The following SLC44A2 variants were observed in gnomAD, a reference collection of about 807,000 sequenced individuals.
SLC44A2 encodes the protein solute carrier family 44 member 2 (CTL2 blood group).
A neutral mutation model predicts 90.8 loss-of-function variants in SLC44A2; 57 were observed. The ratio of observed to expected loss-of-function variants is 0.63; its 90% CI spans 0.51 to 0.78. The LOEUF (loss-of-function observed/expected upper bound fraction) is 0.78. Among genes scored for constraint, SLC44A2 ranks in the 30% least tolerant of loss-of-function variants. The probability of loss-of-function intolerance (pLI) is 0.00; values close to 1 mark genes in which losing one functional copy is unlikely to be tolerated. For missense variants in SLC44A2, 794 were observed against 919.7 expected, an observed-to-expected ratio of 0.86 and a Z score of 1.77; for synonymous variants, 355 against 360.7, an observed-to-expected ratio of 0.98 and a Z score of 0.18.
At chr19:10,625,695 C>T (rs1406880925) in intron 1 of SLC44A2, 25 bp downstream of exon 1, 4 of 1,247,512 alleles carry the variant, frequency 3.2e-6, no homozygotes, top group Admixed American at 8.3e-5. Flanking sequence ...CCGCCCGTAG[C>T]CCCGGGCCGA....
At chr19:10,618,948 G>A (rs926611283) in intron 1 of SLC44A2, among the ~76,000 whole-genome samples, 5 of 142,962 alleles carry the variant, frequency 3.5e-5, no homozygotes, top group African/African-American at 1.3e-4. Context: ...CATGTATCAT[G>A]TATACAATTC....
intron 1 of SLC44A2, among the ~76,000 whole-genome samples, chr19:10,611,491 G>A (rs374721957): frequency 4.5e-4 from 68 of 151,604 alleles, no homozygotes; most frequent in African/African-American, 1.5e-3. Context: ...CAAGAGACCC[G>A]GTGCAGTGGT....
At chr19:10,607,924 A>G (rs897418348) in intron 1 of SLC44A2, among the ~76,000 whole-genome samples, 3 of 149,900 alleles carry the variant, frequency 2.0e-5, no homozygotes, top group African/African-American at 2.5e-5. Flanking sequence ...CCCCCGGCTA[A>G]TTTTTTGTAT....
Position 10,642,438 on chromosome 19 carries a change from G to C in SLC44A2, c.2001G>C (p.Leu667=). 1 of 1,614,148 alleles carries C rather than the reference G, an allele frequency of 6.2e-7. No homozygotes were observed. Among genetic ancestry groups the C allele is most frequent in the Non-Finnish European group, 8.5e-7 (1 of 1,180,018 alleles). The change falls in exon 21 of 22, where the codon CTG becomes CTC. Residue 667 remains leucine, a synonymous_variant. Transcript: ENST00000335757. ...TCTATGGCATGTGTGTGGACACGCTGTTCCTCTGCTTCTGTGAGTGACCCC... is the reference window on the plus strand; with the variant it reads ...TCTATGGCATGTGTGTGGACACGCTCTTCCTCTGCTTCTGTGAGTGACCCC... ...FSVYGMCVDT[L]FLCFLEDLER... is the part of the protein sequence containing the mutation.
rs902710113 is a variant in SLC44A2, at chr19:10,629,817, G to A, written c.246-1240G>A. The stretch of plus-strand genomic sequence containing the variant: ...CGCCCAGGCTGGAGTGCAATGGTGC[G>A]ATCTTGGCTCACTGCAACCTCCGCC... On this transcript the variant is annotated intron_variant, in intron 4 of 21. Coordinates refer to ENST00000335757, the MANE Select transcript of SLC44A2 (RefSeq NM_020428.4). 1.1e-4 allele frequency among the ~76,000 whole-genome samples: 16 copies of A among 150,302 alleles called. 1 individual carries two copies. Among genetic ancestry groups the A allele is most frequent in the Admixed American group, 9.3e-4 (14 of 15,102 alleles).
chr19:10,630,021 C>G lies in SLC44A2; in HGVS notation c.246-1036C>G, dbSNP rs550305534. Among the ~76,000 whole-genome samples, 9 of 152,244 alleles carry G rather than the reference C, an allele frequency of 5.9e-5. No homozygotes were observed. In the East Asian group the frequency reaches 1.5e-3, roughly 26 times the overall value. On this transcript the variant is annotated intron_variant, in intron 4 of 21. Transcript: ENST00000335757. ...CCGCCTGCCTTGGCCTCCAAAAGTGCTGGGATTACAGGTGTGAGTTACTGC... is the reference window on the plus strand; with the variant it reads ...CCGCCTGCCTTGGCCTCCAAAAGTGGTGGGATTACAGGTGTGAGTTACTGC...
At chr19:10,627,399 T>C (rs1322416199) in intron 2 of SLC44A2, among the ~76,000 whole-genome samples, 1 of 137,658 alleles carries the variant, frequency 7.3e-6, no homozygotes, top group Non-Finnish European at 1.6e-5. Flanking sequence ...AAAAAAAAAA[T>C]GTGTGGTGGT....
At chr19:10,642,542 G>C in intron 21 of SLC44A2, 91 bp downstream of exon 21, 1 of 1,229,696 alleles carries the variant, frequency 8.1e-7, no homozygotes, top group Admixed American at 1.8e-5. Context: ...CAACACGCTT[G>C]CCTGCCCCCA....
At chr19:10,635,113 C>T (rs769500549) in intron 12 of SLC44A2, 40 bp downstream of exon 12, 2 of 1,613,628 alleles carry the variant, frequency 1.2e-6, no homozygotes, top group Non-Finnish European at 8.5e-7. Flanking sequence ...TGGAGCTGTC[C>T]CTAGAGTTGT....
intron 4 of SLC44A2, among the ~76,000 whole-genome samples, chr19:10,629,159 G>A (rs369335010): frequency 2.7e-5 from 4 of 149,532 alleles, no homozygotes; most frequent in Admixed American, 6.7e-5. Context: ...AGCCGAGATC[G>A]TGCCACTGCA....
upstream of SLC44A2, among the ~76,000 whole-genome samples, chr19:10,621,162 G>C (rs927810725): frequency 6.6e-6 from 1 of 151,806 alleles, no homozygotes; most frequent in Non-Finnish European, 1.5e-5. Context: ...CAGTAGTAGA[G>C]ACATGGTAAA....
Position 10,631,072 on chromosome 19 carries a change from G to C in SLC44A2, c.261G>C (p.Leu87=). The change falls in exon 5 of 22, where the codon CTG becomes CTC. Residue 87 remains leucine, a synonymous_variant. Transcript: ENST00000335757. The part of the protein sequence containing the change: ...KGTKNENKPY[L]FYFNIVKCAS... ...CTAACTCCAGGAACAAACCCTATCT[G>C]TTTTATTTCAACATTGTGAAATGTG... 3.1e-6 allele frequency: 5 copies of C among 1,613,438 alleles called. No individual in the cohort carries two copies. The highest frequency in any genetic ancestry group is 4.2e-6 in the Non-Finnish European group (5 of 1,179,806).
At position 10,636,536 on chromosome 19, in the gene SLC44A2, G is replaced by A; in HGVS notation, c.1447G>A (p.Asp483Asn). Reference protein sequence around the residue: ...ASYYWALRKPDDLPAFPLFSA... With the variant: ...ASYYWALRKPNDLPAFPLFSA... ...CTACTACTGGGCCCTGCGCAAGCCG[G>A]ACGACCTGCCGGCCTTCCCGCTCTT... Residue 483 changes from aspartate to asparagine, a missense_variant, in exon 15 of 22, where the codon GAC becomes AAC. Physicochemically the swap from Asp to Asn is conservative, Grantham distance 23 (BLOSUM62 1). Coordinates refer to ENST00000335757, the MANE Select transcript of SLC44A2 (RefSeq NM_020428.4). 6.2e-7 allele frequency: 1 copy of A among 1,609,320 alleles called. No homozygotes were observed. Among genetic ancestry groups the A allele is most frequent in the South Asian group, 1.1e-5 (1 of 91,032 alleles).
In SLC44A2 at chr19:10,627,830, G is replaced by C. The variant is rs550948285; in HGVS notation, c.160+35G>C. ...GAATGAGCAGGACTTGGAGTTGCAG[G>C]GTAGGCGGAGGCAGCCATGGCCTCT... On this transcript the variant is annotated intron_variant, in intron 3 of 21. Coordinates refer to ENST00000335757, the MANE Select transcript of SLC44A2 (RefSeq NM_020428.4). 5 of 1,613,388 alleles carry C rather than the reference G, an allele frequency of 3.1e-6. No homozygotes were observed. In the African/African-American group the frequency reaches 6.7e-5, roughly 22 times the overall value.
intron 1 of SLC44A2, among the ~76,000 whole-genome samples, chr19:10,603,498 G>T (rs528844765): frequency 6.6e-6 from 1 of 152,210 alleles, no homozygotes; most frequent in South Asian, 2.1e-4. Flanking sequence ...GGAGGGGGCC[G>T]GAAACGGCTC....
Position 10,634,958 on chromosome 19 carries a change from C to T in SLC44A2, c.956-16C>T. On this transcript the variant is annotated splice_polypyrimidine_tract_variant and intron_variant, in intron 11 of 21. Transcript: ENST00000335757. ...GGAGTGGGGAGCCCAGCCGGCTCAG[C>T]CTTTGCCCTTTGCAGTGATCATTCT... The T allele has an allele frequency of 1.2e-6, 2 of 1,614,136 alleles. No individual in the cohort carries two copies. Among genetic ancestry groups the T allele is most frequent in the Non-Finnish European group, 1.7e-6 (2 of 1,180,024 alleles).
intron 8 of SLC44A2, 27 bp downstream of exon 8, chr19:10,631,776 G>T: frequency 1.9e-6 from 3 of 1,614,062 alleles, no homozygotes; most frequent in Non-Finnish European, 2.5e-6. Flanking sequence ...ACCGCGCCAG[G>T]GTCTCACTTT....
intron 1 of SLC44A2, among the ~76,000 whole-genome samples, chr19:10,613,879 T>G (rs2066833972): frequency 6.6e-6 from 1 of 152,146 alleles, no homozygotes; most frequent in Non-Finnish European, 1.5e-5. Flanking sequence ...CAGCCCTGCC[T>G]ACACATCGAT....
chr19:10,635,353 G>A (rs1463666218), intron 13 of SLC44A2, 78 bp from the exon 14 acceptor site: 3 of 1,606,362 alleles, frequency 1.9e-6, no homozygotes, highest in Non-Finnish European at 2.6e-6. Flanking sequence ...CTGGAAACTG[G>A]TGGGAGAATG....
Sources: gnomAD v4.1 joint callset for allele counts (sites outside exome capture counted in the v4.1 genomes callset) on GRCh38, gnomAD v4.1.1 for gene constraint, MANE v1.5 for transcripts, NCBI Gene and HGNC (gene_info 2026-07-23, HGNC 2026-07-21) for gene names.